SCAPER: variants seen among roughly 807,000 people sequenced by gnomAD.
SCAPER encodes S-phase cyclin A associated protein in the ER.
A neutral mutation model predicts 182.2 loss-of-function variants in SCAPER; 98 were observed. That is an observed-to-expected ratio of 0.54 (90% confidence interval 0.46 to 0.64). The LOEUF is 0.64. SCAPER is among the 30% of genes least tolerant of loss of function. The pLI is 0.00. For missense variants in SCAPER, 1,432 were observed against 1,690.0 expected (o/e 0.85, Z 2.68); for synonymous variants, 605 against 564.6 (o/e 1.07, Z -1.01).
intron 22 of SCAPER, among the ~76,000 whole-genome samples, chr15:76,593,379 C>T (rs1183093004): frequency 1.7e-5 from 2 of 121,174 alleles, no homozygotes; most frequent in African/African-American, 5.0e-5. Flanking sequence ...GGGGAAGGGG[C>T]GGCTGTGGGC....
rs575213808 is a variant in SCAPER at position 76,382,275 on chromosome 15, C to G, written c.3468-660G>C. ...GAGCAAGAAGAGACAATGGCAGTGG[C>G]AAATGAATTCCTAAAATCAATAGTA... On this transcript the variant is annotated intron_variant, in intron 27 of 31. Transcript: ENST00000563290. Among the ~76,000 whole-genome samples, 8 of 152,158 alleles carry G rather than the reference C, an allele frequency of 5.3e-5. No homozygotes were observed. The South Asian group carries it at 1.7e-3, about 32-fold the overall frequency.
chr15:76,377,891 G>A (rs983748136), intron 28 of SCAPER, among the ~76,000 whole-genome samples: 5 of 152,164 alleles, frequency 3.3e-5, no homozygotes, highest in African/African-American at 1.2e-4. Context: ...TGTCTGTTTA[G>A]GTAAATTCTT....
At chr15:76,380,057 C>T (rs1462160751) in intron 28 of SCAPER, 3 of 152,262 alleles carry the variant, frequency 2.0e-5, no homozygotes, top group African/African-American at 4.8e-5. Flanking sequence ...CACTCCCTTT[C>T]GACGCAGCTG....
intron 21 of SCAPER, among the ~76,000 whole-genome samples, chr15:76,657,823 C>T (rs1269035755): frequency 5.3e-5 from 8 of 151,996 alleles, no homozygotes; most frequent in African/African-American, 1.9e-4. Flanking sequence ...ATCATATGAT[C>T]GTCTAAATAG....
chr15:76,731,813 T>C (rs1030331550), intron 16 of SCAPER, among the ~76,000 whole-genome samples: 2 of 152,202 alleles, frequency 1.3e-5, no homozygotes, highest in African/African-American at 2.4e-5. Context: ...AAAGTGTTGG[T>C]TGGTGGAGGA....
intron 20 of SCAPER, 132 bp from the exon 21 acceptor site, chr15:76,665,921 A>T: frequency 1.3e-6 from 1 of 765,444 alleles, no homozygotes; most frequent in Non-Finnish European, 1.9e-6. Context: ...ACTGGTTTCT[A>T]CAATTGTTAT....
chr15:76,728,258 T>C (rs915452649), intron 17 of SCAPER, among the ~76,000 whole-genome samples: 1 of 151,614 alleles, frequency 6.6e-6, no homozygotes, highest in Non-Finnish European at 1.5e-5. Flanking sequence ...ACTCTTGTGA[T>C]CTAGACTTTC....
At chr15:76,867,479 G>A (rs762577726) in intron 2 of SCAPER, among the ~76,000 whole-genome samples, 19 of 152,108 alleles carry the variant, frequency 1.2e-4, no homozygotes, top group Non-Finnish European at 2.2e-4. Context: ...AGTAATTTAC[G>A]ATAACTTTAT....
intron 23 of SCAPER, among the ~76,000 whole-genome samples, chr15:76,505,680 T>G (rs948192108): frequency 6.6e-6 from 1 of 152,172 alleles, no homozygotes; most frequent in Admixed American, 6.5e-5. Flanking sequence ...GAGAATAGTT[T>G]GGAGATTTTT....
At chr15:76,396,433 A>C (rs962174646) in intron 27 of SCAPER, among the ~76,000 whole-genome samples, 2 of 152,196 alleles carry the variant, frequency 1.3e-5, no homozygotes, top group African/African-American at 4.8e-5. Context: ...ATTTTTAACA[A>C]TATTGCTGCT....
chr15:76,621,860 T>C, intron 21 of SCAPER, 31 bp from the exon 22 acceptor site: 1 of 1,486,798 alleles, frequency 6.7e-7, no homozygotes, highest in Non-Finnish European at 9.2e-7. Context: ...AACACAGTTA[T>C]TTCACTGCTA....
chr15:76,418,797 T>C (rs759043933), intron 26 of SCAPER, among the ~76,000 whole-genome samples: 2 of 152,264 alleles, frequency 1.3e-5, no homozygotes, highest in Non-Finnish European at 2.9e-5. Context: ...TGCCCACATC[T>C]GGCCTGAGAG....
At chr15:76,780,033 C>A (rs919020024) in intron 8 of SCAPER, among the ~76,000 whole-genome samples, 9 of 152,188 alleles carry the variant, frequency 5.9e-5, no homozygotes, top group Non-Finnish European at 8.8e-5. Context: ...ACTGGTTGGA[C>A]AGGAGGCGCC....
At position 76,773,965 on chromosome 15, in the gene SCAPER, C is replaced by T. The variant is rs190018402; in HGVS notation, c.1035+890G>A. Among the ~76,000 whole-genome samples the T allele has an allele frequency of 3.3e-5, 5 of 151,758 alleles. No individual in the cohort carries two copies. In the East Asian group the frequency reaches 9.7e-4, roughly 29 times the overall value. On this transcript the variant is annotated intron_variant, in intron 9 of 31. Coordinates refer to ENST00000563290, the MANE Select transcript of SCAPER (RefSeq NM_020843.4). ...AAATACCTTAAAGTATAAACTAGTT[C>T]ATCAAATAAGTAAAATAAACATCAA...
intron 17 of SCAPER, among the ~76,000 whole-genome samples, chr15:76,711,580 T>C (rs898984281): frequency 2.0e-5 from 3 of 152,200 alleles, no homozygotes; most frequent in Non-Finnish European, 4.4e-5. Flanking sequence ...CTGATGGCTA[T>C]GTAAAATGAA....
At chr15:76,450,957 T>C (rs2048332426) in intron 25 of SCAPER, among the ~76,000 whole-genome samples, 1 of 152,228 alleles carries the variant, frequency 6.6e-6, no homozygotes, top group Non-Finnish European at 1.5e-5. Context: ...AGAACCATCA[T>C]AATCAAGATA....
At chr15:76,782,268 C>T (rs1262052534) in intron 8 of SCAPER, among the ~76,000 whole-genome samples, 3 of 151,810 alleles carry the variant, frequency 2.0e-5, no homozygotes, top group East Asian at 1.9e-4. Flanking sequence ...TTTAAACCAA[C>T]AAAGATCAAA....
At chr15:76,389,815 CAAAAAAA>C (rs34780168) in intron 27 of SCAPER, among the ~76,000 whole-genome samples, 25 of 95,572 alleles carry the variant, frequency 2.6e-4, no homozygotes, top group Admixed American at 8.6e-4. Flanking sequence ...GACTCCGTCT[CAAAAAAA>C]AAAAAAAAAA....
intron 23 of SCAPER, among the ~76,000 whole-genome samples, chr15:76,546,924 T>C (rs1225524916): frequency 6.6e-6 from 1 of 152,154 alleles, no homozygotes; most frequent in Admixed American, 6.6e-5. Context: ...GCTACAAACT[T>C]ATCCCCTTCC....
Sources: gnomAD v4.1 joint callset for allele counts (sites outside exome capture counted in the v4.1 genomes callset) on GRCh38, gnomAD v4.1.1 for gene constraint, MANE v1.5 for transcripts, NCBI Gene and HGNC (gene_info 2026-07-23, HGNC 2026-07-21) for gene names.